Variants in TRERF1 observed in about 807,000 individuals in gnomAD.
The protein encoded by TRERF1 is transcriptional-regulating factor 1.
TRERF1 carries 27 observed loss-of-function variants against 122.9 expected under a neutral mutation model. The ratio of observed to expected loss-of-function variants is 0.22; its 90% CI spans 0.16 to 0.30. The LOEUF is 0.30. Ranked by LOEUF, TRERF1 falls within the 10% of genes least tolerant of loss-of-function variation. TRERF1 has a pLI of 1.00. For synonymous variants in TRERF1, 636 were observed against 641.7 expected (o/e 0.99, Z 0.13); for missense variants, 1,248 against 1,560.3 (o/e 0.80, Z 3.37).
intron 12 of TRERF1, 89 bp downstream of exon 12, chr6:42,256,638 CA>C: frequency 8.7e-7 from 1 of 1,150,428 alleles, no homozygotes; most frequent in South Asian, 1.3e-5. Context: ...TTGGTCATTA[CA>C]AATTGGTTGT....
chr6:42,309,721 G>T (rs1016323975), intron 3 of TRERF1, among the ~76,000 whole-genome samples: 1 of 152,152 alleles, frequency 6.6e-6, no homozygotes, highest in Non-Finnish European at 1.5e-5. Flanking sequence ...GCTACTAGCC[G>T]TAAGTGGATA....
chr6:42,296,098 G>A (rs1208527962), intron 4 of TRERF1, among the ~76,000 whole-genome samples: 5 of 152,052 alleles, frequency 3.3e-5, no homozygotes, highest in Non-Finnish European at 5.9e-5. Flanking sequence ...GTGAGTCCAC[G>A]CAGCCCCAGC....
At chr6:42,342,210 C>T (rs752577526) in intron 3 of TRERF1, among the ~76,000 whole-genome samples, 12 of 152,206 alleles carry the variant, frequency 7.9e-5, no homozygotes, top group South Asian at 4.1e-4. Context: ...CTGTCCCTTC[C>T]GCTTAGGGCA....
chr6:42,290,533 C>T (rs978756931), intron 4 of TRERF1, among the ~76,000 whole-genome samples: 2 of 152,076 alleles, frequency 1.3e-5, no homozygotes, highest in Non-Finnish European at 2.9e-5. Flanking sequence ...CTGATCAACC[C>T]TGGGAACATG....
At chr6:42,415,401 G>A (rs1468250012) in intron 2 of TRERF1, among the ~76,000 whole-genome samples, 2 of 152,136 alleles carry the variant, frequency 1.3e-5, no homozygotes, top group Non-Finnish European at 1.5e-5. Context: ...GTTGTCAAAT[G>A]TATCAGTCTT....
chr6:42,305,306 C>T (rs761653283), intron 3 of TRERF1, among the ~76,000 whole-genome samples: 2 of 152,142 alleles, frequency 1.3e-5, no homozygotes, highest in Non-Finnish European at 1.5e-5. Flanking sequence ...TGTGACTTTC[C>T]AAGGACCTGT....
In TRERF1 at chr6:42,228,170, A is replaced by T. The variant is rs1015237123; in HGVS notation, c.*175T>A. The stretch of plus-strand genomic sequence containing the variant: ...TTCCCCCAACCCCCCACAAAAACAA[A>T]TTTTTTTAAATAAAAGGAAAAGAAA... On this transcript the variant is annotated 3_prime_UTR_variant, in exon 18 of 18. Transcript: ENST00000372922. The surrounding 1 kb of genome is among the most constrained non-coding windows in gnomAD (Gnocchi z 4.2). 5 of 592,968 alleles carry T rather than the reference A, an allele frequency of 8.4e-6. No individual in the cohort carries two copies. Among genetic ancestry groups the T allele is most frequent in the Admixed American group, 3.8e-5 (1 of 26,200 alleles). 36.7% of individuals were successfully genotyped at this position (592,968 alleles called of 1,614,324 possible). A position where few individuals can be genotyped will look rare whatever the true frequency, so the allele number is the denominator to read the frequency against.
At chr6:42,283,713 T>C (rs1782711676) in intron 4 of TRERF1, among the ~76,000 whole-genome samples, 1 of 147,010 alleles carries the variant, frequency 6.8e-6, no homozygotes, top group Non-Finnish European at 1.5e-5. Flanking sequence ...ACCTCCCGGG[T>C]TCAAGTGAGT....
chr6:42,343,791 G>A (rs1767750231), intron 3 of TRERF1, among the ~76,000 whole-genome samples: 1 of 152,212 alleles, frequency 6.6e-6, no homozygotes, highest in Non-Finnish European at 1.5e-5. Flanking sequence ...AGTCAGAAAT[G>A]TAAAACTAGA....
At chr6:42,247,319 C>T (rs1774980082) in intron 13 of TRERF1, among the ~76,000 whole-genome samples, 1 of 152,198 alleles carries the variant, frequency 6.6e-6, no homozygotes, top group Non-Finnish European at 1.5e-5. Flanking sequence ...GTGTATATTA[C>T]AAGCAAGATG....
At chr6:42,420,496 TAG>T (rs1782606958) in intron 2 of TRERF1, among the ~76,000 whole-genome samples, 1 of 152,208 alleles carries the variant, frequency 6.6e-6, no homozygotes, top group African/African-American at 2.4e-5. Context: ...AATTCTTAAT[TAG>T]AGTTTTTTGT....
intron 2 of TRERF1, among the ~76,000 whole-genome samples, chr6:42,412,205 TAGTC>T (rs1781211838): frequency 6.6e-6 from 1 of 152,070 alleles, no homozygotes; most frequent in African/African-American, 2.4e-5. Context: ...TTCTCCATGT[TAGTC>T]AGGCTGGTCT....
intron 2 of TRERF1, among the ~76,000 whole-genome samples, chr6:42,378,946 T>C (rs923217789): frequency 2.0e-5 from 3 of 151,722 alleles, no homozygotes; most frequent in African/African-American, 7.3e-5. Context: ...TAAGACACTG[T>C]CTCTACTAAA....
chr6:42,287,581 C>T (rs79910725), intron 4 of TRERF1, among the ~76,000 whole-genome samples: 9,925 of 152,180 alleles, frequency 0.065, 398 homozygotes, highest in Non-Finnish European at 0.1. Context: ...AACTTTCACA[C>T]GTCCCCCCTG....
rs56223200 is a variant in TRERF1 at position 42,310,877 on chromosome 6, C to T, written c.-370-10128G>A. 5.9e-5 allele frequency among the ~76,000 whole-genome samples: 9 copies of T among 152,258 alleles called. No homozygotes were observed. In the East Asian group the frequency reaches 1.5e-3, roughly 26 times the overall value. On this transcript the variant is annotated intron_variant, in intron 3 of 17. Coordinates refer to ENST00000372922, the Ensembl canonical transcript of TRERF1. ...TCCAGAATAATCTATAAACTCATTA[C>T]TAAAATGAAGTGCCTGCATTTCCAA...
Position 42,269,063 on chromosome 6 carries a change from G to C in TRERF1, c.528C>G (p.Ala176=), listed in dbSNP as rs765435216. The change falls in exon 5 of 18, where the codon GCC becomes GCG. Residue 176 remains alanine (A), a synonymous_variant. Coordinates refer to ENST00000372922, the Ensembl canonical transcript of TRERF1. The surrounding 1 kb of genome is among the most constrained non-coding windows in gnomAD (Gnocchi z 4.9). ...GCAGCTGGCGGAGAGCACTGTCAGGGGCTCCATCCATCACTGCTGACTGAG... is the reference window on the plus strand; with the variant it reads ...GCAGCTGGCGGAGAGCACTGTCAGGCGCTCCATCCATCACTGCTGACTGAG... The C allele has an allele frequency of 2.7e-5, 44 of 1,614,070 alleles. No homozygotes were observed. Among genetic ancestry groups the C allele is most frequent in the Non-Finnish European group, 3.4e-5 (40 of 1,180,048 alleles).
intron 2 of TRERF1, among the ~76,000 whole-genome samples, chr6:42,401,477 C>T (rs764038165): frequency 1.2e-4 from 18 of 152,116 alleles, no homozygotes; most frequent in East Asian, 1.9e-4. Context: ...CCCCATTTTA[C>T]GGATGAGGTA....
At chr6:42,305,734 G>T (rs991764955) in intron 3 of TRERF1, among the ~76,000 whole-genome samples, 3 of 151,922 alleles carry the variant, frequency 2.0e-5, no homozygotes, top group African/African-American at 7.3e-5. Flanking sequence ...TTAAAAAGAA[G>T]AAAAAGGAAC....
intron 2 of TRERF1, among the ~76,000 whole-genome samples, chr6:42,426,977 C>T (rs530494194): frequency 1.3e-5 from 2 of 151,814 alleles, no homozygotes; most frequent in Admixed American, 1.3e-4. Flanking sequence ...TTCAATTAAC[C>T]TAAACCAAGG....
Sources: gnomAD v4.1 joint callset for allele counts (sites outside exome capture counted in the v4.1 genomes callset) on GRCh38, gnomAD v4.1.1 for gene constraint, Gnocchi (gnomAD v3.1) non-coding constraint, MANE v1.5 for transcripts, NCBI Gene and HGNC (gene_info 2026-07-23, HGNC 2026-07-21) for gene names.